SNX4: variants seen among roughly 807,000 people sequenced by gnomAD.
SNX4 encodes the protein sorting nexin-4.
SNX4 carries 49 observed loss-of-function variants against 70.8 expected under a neutral mutation model. That is an observed-to-expected ratio of 0.69 (90% CI 0.55 to 0.88). The LOEUF (loss-of-function observed/expected upper bound fraction) is 0.88. Ranked by LOEUF, SNX4 falls within the 40% of genes least tolerant of loss-of-function variation. The pLI, the probability that SNX4 is intolerant of heterozygous loss-of-function variation, is 0.00. For synonymous variants in SNX4, 206 were observed against 183.8 expected, an observed-to-expected ratio of 1.12 and a Z score of -0.98; for missense variants, 528 against 544.8, an observed-to-expected ratio of 0.97 and a Z score of 0.31.
chr3:125,503,216 A>G (rs544123549), intron 2 of SNX4, among the ~76,000 whole-genome samples: 23 of 152,326 alleles, frequency 1.5e-4, no homozygotes, highest in African/African-American at 4.6e-4. Context: ...TAGGTTTGGT[A>G]GTCTATAATT....
chr3:125,490,000 G>C (rs1415519139), intron 5 of SNX4, among the ~76,000 whole-genome samples: 1 of 152,064 alleles, frequency 6.6e-6, no homozygotes, highest in East Asian at 1.9e-4. Context: ...GTGATGGCGC[G>C]TGCCTGTAAT....
At chr3:125,495,250 T>TTTTATATATATATATATATATATATA (rs869243473) in intron 5 of SNX4, among the ~76,000 whole-genome samples, 7 of 38,158 alleles carry the variant, frequency 1.8e-4, no homozygotes, top group Non-Finnish European at 3.7e-4. Context: ...CATTCTCTCT[T>TTTTATATATATATATATATATATATA]TATATATATA....
chr3:125,515,737 G>A (rs1935264157), intron 1 of SNX4, among the ~76,000 whole-genome samples: 1 of 151,774 alleles, frequency 6.6e-6, no homozygotes, highest in African/African-American at 2.4e-5. Context: ...GAGCCACTGA[G>A]GTAGAAAATG....
chr3:125,466,788 TA>T (rs890753384), intron 9 of SNX4, among the ~76,000 whole-genome samples: 11 of 151,676 alleles, frequency 7.3e-5, no homozygotes, highest in African/African-American at 2.7e-4. Context: ...AGACTCTGTT[TA>T]AAAAAAGAAA....
intron 7 of SNX4, among the ~76,000 whole-genome samples, chr3:125,478,769 T>C (rs746627869): frequency 2.0e-5 from 3 of 151,020 alleles, no homozygotes; most frequent in Non-Finnish European, 4.4e-5. Context: ...CTAGAAGCAA[T>C]GTGAGGGTAC....
chr3:125,501,248 A>T (rs1259271495), intron 2 of SNX4, among the ~76,000 whole-genome samples: 1 of 152,228 alleles, frequency 6.6e-6, no homozygotes, highest in Non-Finnish European at 1.5e-5. Context: ...CAGAAAAAAC[A>T]TAAATCATAA....
At chr3:125,489,540 G>T in intron 5 of SNX4, 77 bp from the exon 6 acceptor site, 1 of 1,115,362 alleles carries the variant, frequency 9.0e-7, no homozygotes, top group Non-Finnish European at 1.3e-6. Context: ...TTTCCCTTTA[G>T]AATTAAGATG....
At chr3:125,518,158 T>C (rs1187214212) in intron 1 of SNX4, among the ~76,000 whole-genome samples, 2 of 152,112 alleles carry the variant, frequency 1.3e-5, no homozygotes, top group Admixed American at 6.6e-5. Context: ...TGCAATTTCA[T>C]ATTAATTAAA....
intron 12 of SNX4, 30 bp downstream of exon 12, chr3:125,453,780 T>C: frequency 6.2e-7 from 1 of 1,607,946 alleles, no homozygotes; most frequent in Non-Finnish European, 8.5e-7. Flanking sequence ...TCTACAAGCC[T>C]AGCTTACTTA....
intron 6 of SNX4, 33 bp from the exon 7 acceptor site, chr3:125,480,352 C>A: frequency 7.3e-7 from 1 of 1,363,956 alleles, no homozygotes; most frequent in South Asian, 1.6e-5. Flanking sequence ...CATCGTTTTT[C>A]AAATGAAAAC....
chr3:125,513,669 T>G (rs1420278926), intron 1 of SNX4, among the ~76,000 whole-genome samples: 1 of 152,212 alleles, frequency 6.6e-6, no homozygotes, highest in Admixed American at 6.5e-5. Context: ...TCACCTTTTT[T>G]CTAGGCGTGA....
chr3:125,469,404 T>C (rs1346719564), intron 9 of SNX4, 50 bp downstream of exon 9: 2 of 1,226,226 alleles, frequency 1.6e-6, no homozygotes, highest in South Asian at 1.2e-5. Context: ...CACTAATGCT[T>C]CACTACAGGA....
intron 2 of SNX4, 31 bp downstream of exon 2, chr3:125,504,591 CT>C: frequency 4.4e-6 from 7 of 1,595,600 alleles, no homozygotes; most frequent in Non-Finnish European, 6.0e-6. Flanking sequence ...AGCTTTCTGT[CT>C]ACCTGCCCAG....
intron 1 of SNX4, among the ~76,000 whole-genome samples, chr3:125,507,676 C>T (rs1935079817): frequency 6.6e-6 from 1 of 152,150 alleles, no homozygotes; most frequent in African/African-American, 2.4e-5. Flanking sequence ...CAGCAAATTT[C>T]TCATCAGAAA....
rs1487593920 is a variant in SNX4, at chr3:125,447,908, G to A, written c.1306-82C>T. On this transcript the variant is annotated intron_variant, in intron 13 of 13. Transcript: ENST00000251775. ...AGTACTTGGCTTAGTGGTACACTAA[G>A]TTTTGCTTTTTGGAATAATTAAGAA... 4 of 852,008 alleles carry A rather than the reference G, an allele frequency of 4.7e-6. No homozygotes were observed. The South Asian group carries it at 5.1e-5, about 11-fold the overall frequency. The allele number at this position is 852,008 out of a possible 1,614,324, so 52.8% of individuals were successfully genotyped here. A position where few individuals can be genotyped will look rare whatever the true frequency, so the allele number is the denominator to read the frequency against.
chr3:125,497,068 T>C (rs969491931), intron 5 of SNX4, among the ~76,000 whole-genome samples: 14 of 142,396 alleles, frequency 9.8e-5, no homozygotes, highest in African/African-American at 3.6e-4. Flanking sequence ...TTCATTACTA[T>C]AAACACTAAC....
intron 7 of SNX4, among the ~76,000 whole-genome samples, chr3:125,477,735 G>T (rs1041585218): frequency 7.2e-5 from 11 of 152,100 alleles, no homozygotes; most frequent in Admixed American, 2.6e-4. Context: ...TCCATCTATT[G>T]TTGGCCTGCT....
intron 5 of SNX4, among the ~76,000 whole-genome samples, chr3:125,490,110 CAGAG>C (rs1281080184): frequency 1.3e-5 from 2 of 151,974 alleles, no homozygotes; most frequent in African/African-American, 2.4e-5. Context: ...GCCTGGACGA[CAGAG>C]AGAGACTCCA....
chr3:125,496,397 G>A (rs1045314808), intron 5 of SNX4, among the ~76,000 whole-genome samples: 3 of 152,084 alleles, frequency 2.0e-5, no homozygotes, highest in African/African-American at 7.2e-5. Flanking sequence ...CTTCTAGTCT[G>A]TTTTGTGCCA....
Sources: allele counts gnomAD v4.1 joint callset (sites outside exome capture counted in the v4.1 genomes callset), GRCh38; gene constraint gnomAD v4.1.1; transcripts MANE v1.5; gene names NCBI Gene and HGNC (gene_info 2026-07-23, HGNC 2026-07-21).